The following CROT variants were observed in gnomAD, a reference collection of about 807,000 sequenced individuals.
CROT encodes carnitine O-octanoyltransferase, also known as peroxisomal carnitine O-octanoyltransferase.
A neutral mutation model predicts 89.2 loss-of-function variants in CROT; 84 were observed. That is an observed-to-expected ratio of 0.94 (90% CI 0.79 to 1.13). The LOEUF is 1.13. CROT is among the 50% of genes most tolerant of loss of function. The probability of loss-of-function intolerance (pLI) is 0.00; values close to 1 mark genes in which losing one functional copy is unlikely to be tolerated. For missense variants in CROT, 711 were observed against 727.8 expected, an observed-to-expected ratio of 0.98 and a Z score of 0.27; for synonymous variants, 212 against 239.5, an observed-to-expected ratio of 0.89 and a Z score of 1.06.
At chr7:87,355,258 C>A (rs980395323) in intron 3 of CROT, among the ~76,000 whole-genome samples, 5 of 151,996 alleles carry the variant, frequency 3.3e-5, no homozygotes, top group African/African-American at 1.2e-4. Flanking sequence ...TACCACCACA[C>A]CAGGCTAATT....
chr7:87,382,453 T>G lies in CROT; in HGVS notation c.1211T>G (p.Phe404Cys). 6.2e-7 allele frequency: 1 copy of G among 1,613,874 alleles called. No individual in the cohort carries two copies. Among genetic ancestry groups the G allele is most frequent in the South Asian group, 1.1e-5 (1 of 91,026 alleles). Residue 404 changes from phenylalanine to cysteine, a missense_variant, in exon 13 of 18, where the codon TTT becomes TGT. By Grantham distance (205) the Phe-to-Cys change is radical (BLOSUM62 -2). Transcript: ENST00000331536. ...ATTGCGGCTTATGCCTTTACATCTT[T>G]TGGCAAAAAGCTAACCAAGAACAAG... Reference protein sequence around the residue: ...LQIAAYAFTSFGKKLTKNKML... With the variant: ...LQIAAYAFTSCGKKLTKNKML...
intron 13 of CROT, among the ~76,000 whole-genome samples, chr7:87,386,397 A>G (rs1480989963): frequency 6.6e-6 from 1 of 152,058 alleles, no homozygotes; most frequent in East Asian, 1.9e-4. Flanking sequence ...CTCAGGTTGT[A>G]TGTGTCCAGG....
intron 6 of CROT, among the ~76,000 whole-genome samples, chr7:87,367,880 T>G (rs955907496): frequency 6.6e-6 from 1 of 152,208 alleles, no homozygotes; most frequent in Non-Finnish European, 1.5e-5. Flanking sequence ...CTGGACAACT[T>G]TAGTCACCTC....
At chr7:87,388,933 A>C (rs898164551) in intron 13 of CROT, among the ~76,000 whole-genome samples, 1 of 152,198 alleles carries the variant, frequency 6.6e-6, no homozygotes, top group Non-Finnish European at 1.5e-5. Flanking sequence ...TTTACAAGAA[A>C]AAAACAACCC....
rs1456887020 is a variant in CROT at position 87,382,096 on chromosome 7, T to C, written c.1085T>C (p.Ile362Thr). Residue 362 changes from isoleucine (I) to threonine (T), a missense_variant, in exon 12 of 18, where the codon ATA becomes ACA. Ile to Thr is a moderately conservative substitution (Grantham distance 89). Transcript: ENST00000331536. Reference protein sequence around the residue: ...RWKGSEKVRDIPLPEELIFIV... With the variant: ...RWKGSEKVRDTPLPEELIFIV... ...CAGGGTTCAGAGAAGGTACGAGATATACCACTTCCAGAAGAGCTCATTTTC... is the reference window on the plus strand; with the variant it reads ...CAGGGTTCAGAGAAGGTACGAGATACACCACTTCCAGAAGAGCTCATTTTC... 1 of 1,613,186 alleles carries C rather than the reference T, an allele frequency of 6.2e-7. No individual in the cohort carries two copies. The highest frequency in any genetic ancestry group is 8.5e-7 in the Non-Finnish European group (1 of 1,179,322).
rs200694475 is a variant in CROT, at chr7:87,391,646, G to A, written c.1359G>A (p.Glu453=). The A allele has an allele frequency of 6.2e-7, 1 of 1,611,736 alleles. No individual in the cohort carries two copies. The highest frequency in any genetic ancestry group is 2.2e-5 in the East Asian group (1 of 44,728). ...GACATTTTTATCATGGCCGTACAGA[G>A]ACTATGCGATCATGCACAGTTGAAG... ...MTRHFYHGRT[E]TMRSCTVEAV... is the part of the protein sequence containing the mutation. The change falls in exon 14 of 18, where the codon GAG becomes GAA. Residue 453 remains glutamate (E), a synonymous_variant. Coordinates refer to ENST00000331536, the MANE Select transcript of CROT (RefSeq NM_021151.4).
At chr7:87,377,752 G>A (rs1806856041) in intron 10 of CROT, among the ~76,000 whole-genome samples, 1 of 151,992 alleles carries the variant, frequency 6.6e-6, no homozygotes, top group Non-Finnish European at 1.5e-5. Context: ...ATTTCAAAAG[G>A]TATTATATGG....
chr7:87,369,527 T>C, intron 7 of CROT, 43 bp downstream of exon 7: 1 of 1,233,634 alleles, frequency 8.1e-7, no homozygotes, highest in Non-Finnish European at 1.1e-6. Flanking sequence ...TCTTATGGTG[T>C]TGCTTGAATT....
intron 13 of CROT, among the ~76,000 whole-genome samples, chr7:87,384,678 CTGAT>C (rs1310338305): frequency 2.6e-5 from 4 of 152,124 alleles, no homozygotes; most frequent in Admixed American, 6.5e-5. Context: ...CTGTGGGCTG[CTGAT>C]TGTTTCCTCT....
intron 10 of CROT, among the ~76,000 whole-genome samples, chr7:87,381,162 G>A (rs972228691): frequency 2.6e-5 from 4 of 152,148 alleles, no homozygotes; most frequent in Admixed American, 6.5e-5. Flanking sequence ...GCAGTGTCAC[G>A]TTCAGATCAT....
At chr7:87,376,937 T>C (rs1202306304) in intron 9 of CROT, among the ~76,000 whole-genome samples, 2 of 152,144 alleles carry the variant, frequency 1.3e-5, no homozygotes, top group Non-Finnish European at 2.9e-5. Flanking sequence ...TAGGCCAAAG[T>C]ATACAGTTTG....
At chr7:87,365,755 G>A (rs1165085903) in intron 6 of CROT, among the ~76,000 whole-genome samples, 6 of 151,422 alleles carry the variant, frequency 4.0e-5, no homozygotes, top group Non-Finnish European at 7.4e-5. Context: ...CCAGGCACAT[G>A]CCACCACACC....
intron 6 of CROT, among the ~76,000 whole-genome samples, chr7:87,362,765 T>C (rs541036506): frequency 6.6e-6 from 1 of 152,290 alleles, no homozygotes; most frequent in African/African-American, 2.4e-5. Context: ...AAGAGTATAA[T>C]TGTGAATGGA....
At chr7:87,376,965 G>A (rs563268413) in intron 9 of CROT, among the ~76,000 whole-genome samples, 4 of 152,142 alleles carry the variant, frequency 2.6e-5, no homozygotes, top group African/African-American at 9.6e-5. Context: ...GGTTTAGTAG[G>A]AAACGAATTC....
chr7:87,366,617 A>G (rs1013114189), intron 6 of CROT, among the ~76,000 whole-genome samples: 1 of 152,180 alleles, frequency 6.6e-6, no homozygotes, highest in Non-Finnish European at 1.5e-5. Context: ...TGTGATTTAC[A>G]GTTTAATGAT....
intron 17 of CROT, among the ~76,000 whole-genome samples, chr7:87,395,554 T>C (rs749927205): frequency 1.3e-5 from 2 of 152,342 alleles, no homozygotes; most frequent in African/African-American, 2.4e-5. Context: ...TGATCAGGAC[T>C]GCCTTTGTCT....
chr7:87,386,009 T>C (rs1161497463), intron 13 of CROT, among the ~76,000 whole-genome samples: 1 of 152,166 alleles, frequency 6.6e-6, no homozygotes, highest in African/African-American at 2.4e-5. Context: ...TTGAACCATC[T>C]GAATCCCACT....
chr7:87,357,096 C>T (rs561406889), intron 3 of CROT, among the ~76,000 whole-genome samples: 11 of 152,178 alleles, frequency 7.2e-5, no homozygotes, highest in African/African-American at 9.6e-5. Flanking sequence ...ACAAAGCAAA[C>T]GAAAAGGTGA....
intron 10 of CROT, among the ~76,000 whole-genome samples, chr7:87,379,927 A>G (rs1434312117): frequency 6.6e-6 from 1 of 152,118 alleles, no homozygotes; most frequent in African/African-American, 2.4e-5. Context: ...CTTGGGCAAC[A>G]TAGTGAGACC....
Sources: allele counts gnomAD v4.1 joint callset (sites outside exome capture counted in the v4.1 genomes callset), GRCh38; gene constraint gnomAD v4.1.1; transcripts MANE v1.5; gene names NCBI Gene and HGNC (gene_info 2026-07-23, HGNC 2026-07-21).